Variants in CSMD1 observed in about 807,000 individuals in gnomAD.
The protein encoded by CSMD1 is CUB and sushi domain-containing protein 1.
CSMD1 carries 213 observed loss-of-function variants against 417.5 expected under a neutral mutation model. That is an observed-to-expected ratio of 0.51 (90% CI 0.46 to 0.57). The LOEUF is 0.57. Among genes scored for constraint, CSMD1 ranks in the 20% least tolerant of loss-of-function variants. The pLI is 0.00. For synonymous variants in CSMD1, 2,862 were observed against 1,736.8 expected (o/e 1.65, Z -16.11); for missense variants, 6,923 against 4,529.7 (o/e 1.53, Z -15.17).
rs549518430 is a variant in CSMD1, at chr8:3,206,480, G to A, written c.4868-860C>T. Among the ~76,000 whole-genome samples the A allele has an allele frequency of 6.9e-3, 131 of 18,984 alleles. 8 individuals are homozygous for A. Among genetic ancestry groups the A allele is most frequent in the South Asian group, 0.046 (45 of 978 alleles). The allele number at this position is 18,984 out of a possible 152,430, so 12.5% of individuals were successfully genotyped here. On this transcript the variant is annotated intron_variant, in intron 30 of 69. Transcript: ENST00000635120. ...GTGTGTGGGGGGGTTATGTCTGTGC[G>A]TGTATGTGTGTGTGGGTGTATGTGT...
At chr8:4,778,079 G>A (rs1431581772) in intron 1 of CSMD1, among the ~76,000 whole-genome samples, 1 of 152,084 alleles carries the variant, frequency 6.6e-6, no homozygotes, top group Non-Finnish European at 1.5e-5. Context: ...GCATACTGGT[G>A]CAATATTTTA....
intron 52 of CSMD1, among the ~76,000 whole-genome samples, chr8:3,005,307 C>A (rs1453076988): frequency 6.6e-6 from 1 of 152,088 alleles, no homozygotes; most frequent in Non-Finnish European, 1.5e-5. Context: ...GCTTTTCAGT[C>A]TACTCTATTC....
At chr8:3,324,566 C>A (rs1806394267) in intron 23 of CSMD1, among the ~76,000 whole-genome samples, 1 of 151,010 alleles carries the variant, frequency 6.6e-6, no homozygotes, top group Admixed American at 6.6e-5. Flanking sequence ...AAAATAGACA[C>A]ACATCTAACC....
chr8:4,058,034 T>G (rs1424435830), intron 3 of CSMD1, among the ~76,000 whole-genome samples: 2 of 151,660 alleles, frequency 1.3e-5, no homozygotes, highest in Non-Finnish European at 2.9e-5. Flanking sequence ...TTTGGTTCCA[T>G]ATGAATTTTA....
At chr8:4,633,996 TA>T (rs34505266) in intron 2 of CSMD1, among the ~76,000 whole-genome samples, 14,617 of 142,956 alleles carry the variant, frequency 0.1, 770 homozygotes, top group East Asian at 0.13. Flanking sequence ...GACAGGTCAT[TA>T]AAAAAAAAAA....
intron 26 of CSMD1, among the ~76,000 whole-genome samples, chr8:3,245,937 T>A (rs1031701517): frequency 4.6e-5 from 7 of 152,196 alleles, no homozygotes; most frequent in Non-Finnish European, 1.0e-4. Flanking sequence ...TATTCAACAA[T>A]AATAGTGTTT....
At chr8:3,970,910 C>G (rs1813037899) in intron 5 of CSMD1, among the ~76,000 whole-genome samples, 1 of 152,116 alleles carries the variant, frequency 6.6e-6, no homozygotes. Flanking sequence ...TGCCACCATG[C>G]TCCGCTAATT....
Position 3,678,312 on chromosome 8 carries a change from C to G in CSMD1, c.1009+30102G>C, listed in dbSNP as rs1183445240. 2.0e-5 allele frequency among the ~76,000 whole-genome samples: 3 copies of G among 152,262 alleles called. No homozygotes were observed. The South Asian group carries it at 6.2e-4, about 32-fold the overall frequency. ...GAAAAATGATTAGACGAATGGCTAA[C>G]TAGAATAACCAATGCAGAGAAGTCT... On this transcript the variant is annotated intron_variant, in intron 7 of 69. Transcript: ENST00000635120.
chr8:3,497,573 T>A (rs567929280), intron 10 of CSMD1, among the ~76,000 whole-genome samples: 1 of 152,120 alleles, frequency 6.6e-6, no homozygotes, highest in African/African-American at 2.4e-5. Context: ...CCATTTCACA[T>A]TTTTTCACTT....
At chr8:4,473,877 G>A (rs968165776) in intron 2 of CSMD1, among the ~76,000 whole-genome samples, 2 of 152,100 alleles carry the variant, frequency 1.3e-5, no homozygotes, top group African/African-American at 4.8e-5. Flanking sequence ...TAATATATGA[G>A]AGAGGTAGCT....
At chr8:4,072,606 T>A (rs2130784311) in intron 3 of CSMD1, among the ~76,000 whole-genome samples, 1 of 152,330 alleles carries the variant, frequency 6.6e-6, no homozygotes, top group East Asian at 1.9e-4. Context: ...GTGTTTGTGT[T>A]TTCTGTGTTT....
chr8:3,066,920 G>C (rs970575585), intron 49 of CSMD1, among the ~76,000 whole-genome samples: 2 of 152,134 alleles, frequency 1.3e-5, no homozygotes, highest in Non-Finnish European at 2.9e-5. Context: ...AGGCTAAGTA[G>C]GAGCTTCTAG....
At chr8:3,178,403 C>G (rs1821075565) in intron 37 of CSMD1, among the ~76,000 whole-genome samples, 1 of 151,776 alleles carries the variant, frequency 6.6e-6, no homozygotes. Context: ...CCTTGATTCT[C>G]CAGACATTTT....
chr8:4,905,595 C>A (rs188811596), intron 1 of CSMD1, among the ~76,000 whole-genome samples: 4 of 151,458 alleles, frequency 2.6e-5, no homozygotes, highest in African/African-American at 7.3e-5. Context: ...CAAGGTGGGC[C>A]CATCACGAGG....
intron 10 of CSMD1, among the ~76,000 whole-genome samples, chr8:3,522,582 C>G (rs1563118586): frequency 6.6e-6 from 1 of 152,076 alleles, no homozygotes; most frequent in Non-Finnish European, 1.5e-5. Context: ...AATGGGAACA[C>G]TACTCATGTT....
intron 23 of CSMD1, among the ~76,000 whole-genome samples, chr8:3,335,708 G>A (rs1563284261): frequency 6.6e-6 from 1 of 152,080 alleles, no homozygotes; most frequent in Non-Finnish European, 1.5e-5. Context: ...AAGGTTAATG[G>A]TAACAATGGC....
At chr8:3,275,920 C>T (rs1311957315) in intron 26 of CSMD1, among the ~76,000 whole-genome samples, 1 of 152,194 alleles carries the variant, frequency 6.6e-6, no homozygotes, top group Non-Finnish European at 1.5e-5. Flanking sequence ...AAGCCTTCTT[C>T]TCTCAGCTTG....
chr8:4,039,661 G>T (rs1040395276), intron 3 of CSMD1, among the ~76,000 whole-genome samples: 3 of 152,172 alleles, frequency 2.0e-5, no homozygotes, highest in East Asian at 3.9e-4. Flanking sequence ...ATCAGAACTG[G>T]CTGAGAATAA....
chr8:4,164,065 A>T (rs1797316746), intron 3 of CSMD1, among the ~76,000 whole-genome samples: 1 of 152,138 alleles, frequency 6.6e-6, no homozygotes, highest in Admixed American at 6.6e-5. Flanking sequence ...CTTTATAAAC[A>T]TTACATTAAG....
Sources: gnomAD v4.1 joint callset for allele counts (sites outside exome capture counted in the v4.1 genomes callset) on GRCh38, gnomAD v4.1.1 for gene constraint, MANE v1.5 for transcripts, NCBI Gene and HGNC (gene_info 2026-07-23, HGNC 2026-07-21) for gene names.